Variants in DOK6 observed in about 807,000 individuals in gnomAD.
DOK6 encodes downstream of tyrosine kinase 6.
Under a neutral mutation model 44.0 loss-of-function variants are expected in DOK6, and 22 were observed. That is an observed-to-expected ratio of 0.50 (90% CI 0.36 to 0.71). DOK6 has a LOEUF of 0.71. DOK6 is among the 30% of genes least tolerant of loss of function. The pLI is 0.00. For missense variants in DOK6, 340 were observed against 416.4 expected (o/e 0.82, Z 1.60); for synonymous variants, 166 against 145.5 (o/e 1.14, Z -1.01).
At chr18:69,690,365 G>A (rs1191076910) in intron 4 of DOK6, among the ~76,000 whole-genome samples, 1 of 152,142 alleles carries the variant, frequency 6.6e-6, no homozygotes, top group Admixed American at 6.5e-5. Context: ...CACAATTTCT[G>A]AAGAGTTCTA....
chr18:69,838,744 A>G (rs1982121636), intron 7 of DOK6, among the ~76,000 whole-genome samples: 1 of 150,760 alleles, frequency 6.6e-6, no homozygotes, highest in Non-Finnish European at 1.5e-5. Flanking sequence ...ACCTCTAACT[A>G]CTCCCTTAAA....
At chr18:69,478,557 A>C (rs1326311974) in intron 1 of DOK6, among the ~76,000 whole-genome samples, 1 of 152,078 alleles carries the variant, frequency 6.6e-6, no homozygotes, top group Non-Finnish European at 1.5e-5. Flanking sequence ...CAATTTGATC[A>C]TTTTCTTTGA....
intron 4 of DOK6, among the ~76,000 whole-genome samples, chr18:69,695,831 G>C (rs1167749638): frequency 6.6e-6 from 1 of 152,190 alleles, no homozygotes; most frequent in Non-Finnish European, 1.5e-5. Context: ...AAAGTTGCAA[G>C]AAATAGCATC....
At chr18:69,820,832 G>A (rs1981547139) in intron 7 of DOK6, among the ~76,000 whole-genome samples, 1 of 152,092 alleles carries the variant, frequency 6.6e-6, no homozygotes, top group Non-Finnish European at 1.5e-5. Flanking sequence ...TTATAAGTGG[G>A]AGCTAAATGA....
At chr18:69,775,862 T>G (rs1980048213) in intron 7 of DOK6, among the ~76,000 whole-genome samples, 2 of 151,910 alleles carry the variant, frequency 1.3e-5, no homozygotes, top group Admixed American at 6.6e-5. Flanking sequence ...CACAAAGTTT[T>G]GGGAAAAGAG....
chr18:69,589,344 T>C (rs1263451812), intron 2 of DOK6, among the ~76,000 whole-genome samples: 1 of 152,064 alleles, frequency 6.6e-6, no homozygotes, highest in Non-Finnish European at 1.5e-5. Context: ...CTCTCAAAAG[T>C]AAAATCTTTG....
chr18:69,605,114 G>GTGTGTGTA (rs1555716347), intron 3 of DOK6, among the ~76,000 whole-genome samples: 80 of 148,736 alleles, frequency 5.4e-4, no homozygotes, highest in Admixed American at 4.7e-4. Context: ...GTGTGTGTGT[G>GTGTGTGTA]TGTGTGTGTG....
chr18:69,666,020 G>A (rs753227463), intron 3 of DOK6, among the ~76,000 whole-genome samples: 3 of 152,154 alleles, frequency 2.0e-5, no homozygotes, highest in Non-Finnish European at 4.4e-5. Flanking sequence ...AGGGCATGTA[G>A]CTCAAAGGCT....
rs538037453 is a variant in DOK6, at chr18:69,548,921, G to C, written c.67-15566G>C. Among the ~76,000 whole-genome samples, 60 of 151,110 alleles carry C rather than the reference G, an allele frequency of 4.0e-4. 2 individuals carry two copies. The highest frequency in any genetic ancestry group is 8.1e-4 in the Non-Finnish European group (55 of 67,498). ...ATCCTGGCTAACATGGTGAAACCCC[G>C]TCTCTACTAAAAATACAAAAAAAAT... On this transcript the variant is annotated intron_variant, in intron 1 of 7. Coordinates refer to ENST00000382713, the MANE Select transcript of DOK6 (RefSeq NM_152721.6).
In DOK6 at chr18:69,677,759, G is replaced by A. The variant is rs1174145015; in HGVS notation, c.315G>A (p.Lys105=). The A allele has an allele frequency of 1.1e-5, 17 of 1,613,752 alleles. No individual in the cohort carries two copies. Among genetic ancestry groups the A allele is most frequent in the Non-Finnish European group, 1.4e-5 (16 of 1,179,750 alleles). Residue 105 remains lysine (K), a synonymous_variant, in exon 4 of 8, where the codon AAG becomes AAA. Coordinates refer to ENST00000382713, the MANE Select transcript of DOK6 (RefSeq NM_152721.6). ...AGCTGGAGGCCGAGGAGTGGTGCAA[G>A]CACCTCTGCATGGAGTGTCTGGGGA... The part of the protein sequence containing the change: ...ESELEAEEWC[K]HLCMECLGTR...
chr18:69,687,386 C>G (rs1986175248), intron 4 of DOK6, among the ~76,000 whole-genome samples: 1 of 151,994 alleles, frequency 6.6e-6, no homozygotes, highest in Non-Finnish European at 1.5e-5. Flanking sequence ...TCTCAAAAAC[C>G]TAGGAATAGA....
Position 69,435,069 on chromosome 18 carries a change from AGG to A in DOK6, c.66+33760_66+33761del, listed in dbSNP as rs1568256584. On this transcript the variant is annotated intron_variant, in intron 1 of 7. Coordinates refer to ENST00000382713, the MANE Select transcript of DOK6 (RefSeq NM_152721.6). Reference sequence around the variant, plus strand: ...AAGGAAGGAAGGAAGGAAGGAAGGAAGGAAGGAAGGAAGGAAGGAAGGAAAGA... The same window carrying A: ...AAGGAAGGAAGGAAGGAAGGAAGGAAAAGGAAGGAAGGAAGGAAGGAAAGA... Among the ~76,000 whole-genome samples the A allele has an allele frequency of 3.9e-3, 584 of 150,698 alleles. 7 individuals are homozygous for A. Among genetic ancestry groups the A allele is most frequent in the African/African-American group, 0.013 (534 of 40,942 alleles).
At chr18:69,746,257 TATTTA>T (rs1254296271) in intron 6 of DOK6, among the ~76,000 whole-genome samples, 1 of 152,198 alleles carries the variant, frequency 6.6e-6, no homozygotes, top group Non-Finnish European at 1.5e-5. Flanking sequence ...TGATTTTATT[TATTTA>T]ATTATTTATT....
intron 6 of DOK6, among the ~76,000 whole-genome samples, chr18:69,741,686 G>A (rs911446361): frequency 3.3e-5 from 5 of 151,962 alleles, no homozygotes; most frequent in African/African-American, 9.7e-5. Context: ...TTATAGAGAC[G>A]GGGTCTTACT....
In DOK6 at chr18:69,579,615, G is replaced by A. The variant is rs148193651; in HGVS notation, c.174+15021G>A. 3.6e-3 allele frequency among the ~76,000 whole-genome samples: 552 copies of A among 151,870 alleles called. 4 individuals are homozygous for A. Among genetic ancestry groups the A allele is most frequent in the African/African-American group, 0.013 (530 of 41,404 alleles). ...AGTCTTGCTCTGTCACCAGGCTGGA[G>A]TGTAGTGGCACGATGTTGGCTCACT... On this transcript the variant is annotated intron_variant, in intron 2 of 7. Coordinates refer to ENST00000382713, the MANE Select transcript of DOK6 (RefSeq NM_152721.6).
chr18:69,674,378 A>G (rs1384416327), intron 3 of DOK6, among the ~76,000 whole-genome samples: 1 of 152,212 alleles, frequency 6.6e-6, no homozygotes, highest in Non-Finnish European at 1.5e-5. Context: ...AATCATGAAA[A>G]GAATGAACTG....
Position 69,698,539 on chromosome 18 carries a change from G to A in DOK6, c.545G>A (p.Ser182Asn). 6 of 1,614,070 alleles carry A rather than the reference G, an allele frequency of 3.7e-6. No homozygotes were observed. Among genetic ancestry groups the A allele is most frequent in the Non-Finnish European group, 5.1e-6 (6 of 1,179,952 alleles). ...GTCAAACTGGTGATGTGGCCTCTCAGCTCACTGAGGAGATACGGTCGGGAC... is the reference window on the plus strand; with the variant it reads ...GTCAAACTGGTGATGTGGCCTCTCAACTCACTGAGGAGATACGGTCGGGAC... The part of the protein sequence containing the change: ...AKVKLVMWPL[S>N]SLRRYGRDST... Residue 182 changes from serine to asparagine, a missense_variant, in exon 5 of 8, where the codon AGC becomes AAC. Around this residue, in one of 3 missense-constraint regions of DOK6, gnomAD observed 206 missense variants for 258.6 expected, o/e 0.80. Transcript: ENST00000382713.
intron 3 of DOK6, among the ~76,000 whole-genome samples, chr18:69,656,555 T>C (rs1985372366): frequency 6.6e-6 from 1 of 152,204 alleles, no homozygotes; most frequent in African/African-American, 2.4e-5. Flanking sequence ...GCACATAGTA[T>C]AAGTTCAATA....
intron 6 of DOK6, among the ~76,000 whole-genome samples, chr18:69,744,891 A>C (rs1399150732): frequency 7.0e-6 from 1 of 143,262 alleles, no homozygotes; most frequent in Non-Finnish European, 1.5e-5. Flanking sequence ...ACATCATTGT[A>C]CTCCAGCCTG....
Sources: allele counts gnomAD v4.1 joint callset (sites outside exome capture counted in the v4.1 genomes callset), GRCh38; gene constraint gnomAD v4.1.1; regional missense constraint gnomAD v4.1.1; transcripts MANE v1.5; gene names NCBI Gene and HGNC (gene_info 2026-07-23, HGNC 2026-07-21).